The following RLF variants were observed in gnomAD, a reference collection of about 807,000 sequenced individuals.
The protein encoded by RLF is zinc finger protein Rlf.
A neutral mutation model predicts 162.9 loss-of-function variants in RLF; 7 were observed. That is an observed-to-expected ratio of 0.04 (90% CI 0.02 to 0.08). The LOEUF (loss-of-function observed/expected upper bound fraction) is 0.08. Ranked by LOEUF, RLF falls within the 10% of genes least tolerant of loss-of-function variation. The pLI, the probability that RLF is intolerant of heterozygous loss-of-function variation, is 1.00. For synonymous variants in RLF, 782 were observed against 791.5 expected (o/e 0.99, Z 0.20); for missense variants, 1,664 against 2,244.7 (o/e 0.74, Z 5.23).
intron 5 of RLF, among the ~76,000 whole-genome samples, chr1:40,205,054 A>C (rs1375921997): frequency 6.6e-6 from 1 of 152,160 alleles, no homozygotes; most frequent in Non-Finnish European, 1.5e-5. Flanking sequence ...CTTAAGGATA[A>C]TGCTACAGCA....
chr1:40,214,101 G>A (rs1249675859), intron 5 of RLF, among the ~76,000 whole-genome samples: 1 of 151,994 alleles, frequency 6.6e-6, no homozygotes, highest in African/African-American at 2.4e-5. Context: ...TTTATTTTGA[G>A]GTAATTTTAG....
At chr1:40,195,128 C>T (rs924540862) in intron 3 of RLF, among the ~76,000 whole-genome samples, 13 of 151,404 alleles carry the variant, frequency 8.6e-5, no homozygotes, top group African/African-American at 3.2e-4. Flanking sequence ...AGCCACTGTG[C>T]CTGGCCCCAT....
At chr1:40,169,370 A>G (rs1642208315) in intron 1 of RLF, among the ~76,000 whole-genome samples, 1 of 151,170 alleles carries the variant, frequency 6.6e-6, no homozygotes, top group Non-Finnish European at 1.5e-5. Context: ...TAGTCCCAGC[A>G]CTTTGGGAGG....
chr1:40,202,313 A>T, intron 4 of RLF, 99 bp from the exon 5 acceptor site: 2 of 740,138 alleles, frequency 2.7e-6, no homozygotes, highest in Non-Finnish European at 4.3e-6. Flanking sequence ...AATTTTTATT[A>T]ACTAAAAATC....
Position 40,238,799 on chromosome 1 carries a change from A to G in RLF, c.4097A>G (p.Tyr1366Cys). Residue 1366 changes from tyrosine (Y) to cysteine (C), a missense_variant, in exon 8 of 8, where the codon TAT (tyrosine) becomes TGT (cysteine). Tyr to Cys is a radical substitution (Grantham distance 194). Coordinates refer to ENST00000372771, the MANE Select transcript of RLF (RefSeq NM_012421.4). The surrounding 1 kb of genome is among the most constrained non-coding windows in gnomAD (Gnocchi z 5.2). ...VKCKKIFACK[Y>C]KECNKRFLCS... Reference sequence around the variant, plus strand: ...TGTAAAAAGATATTTGCTTGCAAATATAAGGAATGTAATAAACGCTTCCTG... The same window carrying G: ...TGTAAAAAGATATTTGCTTGCAAATGTAAGGAATGTAATAAACGCTTCCTG... The G allele has an allele frequency of 6.2e-7, 1 of 1,613,288 alleles. No individual in the cohort carries two copies. Among genetic ancestry groups the G allele is most frequent in the Non-Finnish European group, 8.5e-7 (1 of 1,179,684 alleles).
At chr1:40,172,375 A>G (rs1642257607) in intron 1 of RLF, among the ~76,000 whole-genome samples, 1 of 152,218 alleles carries the variant, frequency 6.6e-6, no homozygotes, top group Non-Finnish European at 1.5e-5. Flanking sequence ...CATTTGGAGC[A>G]TGCACCATAA....
In RLF at chr1:40,239,280, C is replaced by A; in HGVS notation, c.4578C>A (p.Ala1526=). 1.2e-6 allele frequency: 2 copies of A among 1,613,924 alleles called. No homozygotes were observed. Among genetic ancestry groups the A allele is most frequent in the Non-Finnish European group, 1.7e-6 (2 of 1,179,990 alleles). Reference sequence around the variant, plus strand: ...GTGGCTTAATCAAAGAAAAGAAAGCCCCAATAAGTTTTAAAACCAGAGCTG... The same window carrying A: ...GTGGCTTAATCAAAGAAAAGAAAGCACCAATAAGTTTTAAAACCAGAGCTG... ...KKCGLIKEKK[A]PISFKTRAEA... Residue 1526 remains alanine (A), a synonymous_variant, in exon 8 of 8, where the codon GCC becomes GCA. Coordinates refer to ENST00000372771, the MANE Select transcript of RLF (RefSeq NM_012421.4).
At chr1:40,219,201 T>C (rs560105195) in intron 5 of RLF, among the ~76,000 whole-genome samples, 1 of 152,326 alleles carries the variant, frequency 6.6e-6, no homozygotes, top group East Asian at 1.9e-4. Context: ...ATGAATTTTT[T>C]AAGTTATTTA....
Position 40,227,517 on chromosome 1 carries a change from G to A in RLF, c.948-4000G>A, listed in dbSNP as rs113915026. Among the ~76,000 whole-genome samples the A allele has an allele frequency of 5.5e-4, 84 of 152,204 alleles. 1 individual carries two copies. In the South Asian group the frequency reaches 7.0e-3, roughly 13 times the overall value. On this transcript the variant is annotated intron_variant, in intron 6 of 7. Coordinates refer to ENST00000372771, the MANE Select transcript of RLF (RefSeq NM_012421.4). ...CCTCATGAGTAACATACTGGCTGTC[G>A]TGGTTTCAGGCATGTTTATATATTT... is the stretch of plus-strand genomic sequence containing the variant.
intron 6 of RLF, among the ~76,000 whole-genome samples, chr1:40,227,520 GT>G (rs1643092605): frequency 6.6e-6 from 1 of 152,126 alleles, no homozygotes; most frequent in African/African-American, 2.4e-5. Flanking sequence ...GGCTGTCGTG[GT>G]TTCAGGCATG....
chr1:40,191,833 A>G (rs1336209824), intron 3 of RLF, among the ~76,000 whole-genome samples: 1 of 152,182 alleles, frequency 6.6e-6, no homozygotes, highest in Admixed American at 6.5e-5. Flanking sequence ...TAATCAAATT[A>G]CAAACCTTAT....
intron 4 of RLF, among the ~76,000 whole-genome samples, chr1:40,196,349 G>A (rs1642636180): frequency 6.6e-6 from 1 of 152,142 alleles, no homozygotes; most frequent in Non-Finnish European, 1.5e-5. Context: ...TGGGATTATA[G>A]GCAAGAGCCA....
At chr1:40,210,245 T>C (rs1642849126) in intron 5 of RLF, among the ~76,000 whole-genome samples, 1 of 152,162 alleles carries the variant, frequency 6.6e-6, no homozygotes, top group African/African-American at 2.4e-5. Flanking sequence ...CCAAAAATAG[T>C]TACAGAAAGA....
At chr1:40,200,194 G>A (rs1377583240) in intron 4 of RLF, among the ~76,000 whole-genome samples, 1 of 152,144 alleles carries the variant, frequency 6.6e-6, no homozygotes, top group Non-Finnish European at 1.5e-5. Flanking sequence ...CTCCAGAGTT[G>A]GAGCTCTGGA....
intron 1 of RLF, among the ~76,000 whole-genome samples, chr1:40,178,638 T>G (rs1048580861): frequency 8.1e-5 from 12 of 148,962 alleles, no homozygotes; most frequent in Admixed American, 2.0e-4. Context: ...TTTTGTTTTT[T>G]TTTTTTTTTT....
At chr1:40,224,062 T>A (rs1643030863) in intron 6 of RLF, among the ~76,000 whole-genome samples, 1 of 152,208 alleles carries the variant, frequency 6.6e-6, no homozygotes, top group African/African-American at 2.4e-5. Flanking sequence ...TTAAATCATA[T>A]ATAGAATGTG....
At chr1:40,211,084 T>C (rs1642859017) in intron 5 of RLF, among the ~76,000 whole-genome samples, 1 of 152,208 alleles carries the variant, frequency 6.6e-6, no homozygotes, top group South Asian at 2.1e-4. Context: ...GCTTTTGTGC[T>C]ACAGTGGCAG....
intron 7 of RLF, among the ~76,000 whole-genome samples, chr1:40,233,053 C>T (rs959671842): frequency 1.3e-5 from 2 of 150,748 alleles, no homozygotes; most frequent in African/African-American, 4.9e-5. Flanking sequence ...CGAGATCACA[C>T]CATTGCACTC....
rs1553175889 is a variant in RLF, at chr1:40,221,917, A to AGAG, written c.811-657_811-656insGAG. Among the ~76,000 whole-genome samples, 13 of 150,378 alleles carry AGAG rather than the reference A, an allele frequency of 8.6e-5. 1 individual carries two copies. The highest frequency in any genetic ancestry group is 3.0e-4 in the African/African-American group (12 of 40,574). On this transcript the variant is annotated intron_variant, in intron 5 of 7. Coordinates refer to ENST00000372771, the MANE Select transcript of RLF (RefSeq NM_012421.4). ...TCCGTCTCAAAAAAAAAAAAAAAAAAAGAGAAAGGAAAGGAGCCCCAGAAA... is the reference window on the plus strand; with the variant it reads ...TCCGTCTCAAAAAAAAAAAAAAAAAAGAGAGAGAAAGGAAAGGAGCCCCAGAAA...
Sources: allele counts gnomAD v4.1 joint callset (sites outside exome capture counted in the v4.1 genomes callset), GRCh38; gene constraint gnomAD v4.1.1; non-coding constraint Gnocchi (gnomAD v3.1); transcripts MANE v1.5; gene names NCBI Gene and HGNC (gene_info 2026-07-23, HGNC 2026-07-21).